NREP: variants seen among roughly 807,000 people sequenced by gnomAD.
NREP encodes neuronal regeneration-related protein.
NREP carries 5 observed loss-of-function variants against 8.6 expected under a neutral mutation model. That is an observed-to-expected ratio of 0.58 (90% confidence interval 0.30 to 1.22). NREP has a LOEUF of 1.22. Ranked by LOEUF, NREP falls within the 50% of genes most tolerant of loss-of-function variation. NREP has a pLI of 0.07. For missense variants in NREP, 86 were observed against 82.5 expected (o/e 1.04, Z -0.17); for synonymous variants, 27 against 28.0 (o/e 0.96, Z 0.11).
At chr5:111,745,578 T>C (rs753841802) in intron 2 of NREP, among the ~76,000 whole-genome samples, 1 of 152,126 alleles carries the variant, frequency 6.6e-6, no homozygotes, top group Non-Finnish European at 1.5e-5. Flanking sequence ...CAATGGACAA[T>C]CTAATTCAGT....
chr5:111,887,955 T>C (rs1321456195), intron 2 of NREP, among the ~76,000 whole-genome samples: 2 of 152,140 alleles, frequency 1.3e-5, no homozygotes, highest in East Asian at 3.9e-4. Context: ...ACAAAATCTT[T>C]GGAAATTGAA....
intron 2 of NREP, among the ~76,000 whole-genome samples, chr5:111,753,330 T>TTATATATATATA (rs10546970): frequency 5.7e-5 from 8 of 140,786 alleles, no homozygotes; most frequent in East Asian, 2.0e-4. Context: ...CAAGTTGATT[T>TTATATATATATA]TATATATATA....
intron 2 of NREP, among the ~76,000 whole-genome samples, chr5:111,963,519 G>A (rs1451994863): frequency 6.6e-6 from 1 of 152,174 alleles, no homozygotes; most frequent in Admixed American, 6.5e-5. Context: ...TCAATTAAAT[G>A]AGACTAAACT....
chr5:111,907,237 A>G (rs1386938978), intron 2 of NREP, among the ~76,000 whole-genome samples: 1 of 151,884 alleles, frequency 6.6e-6, no homozygotes, highest in African/African-American at 2.4e-5. Flanking sequence ...TATGTCTTTG[A>G]TATTGTATTT....
At chr5:111,975,425 A>T (rs1470515960) in intron 1 of NREP, 1 of 1,340,464 alleles carries the variant, frequency 7.5e-7, no homozygotes, top group Admixed American at 2.0e-5. Flanking sequence ...GACCCCCCTG[A>T]GTGCCACAAC....
intron 2 of NREP, among the ~76,000 whole-genome samples, chr5:111,746,368 T>G (rs1302264074): frequency 6.6e-6 from 1 of 152,008 alleles, no homozygotes. Flanking sequence ...AAAAAAAATA[T>G]GCAAGGCCAG....
intron 2 of NREP, among the ~76,000 whole-genome samples, chr5:111,841,652 C>A (rs146880214): frequency 0.011 from 1,702 of 152,116 alleles, 14 homozygotes; most frequent in Middle Eastern, 0.024. Context: ...GGGGTTCCCT[C>A]CTCCTTAGGG....
chr5:111,882,294 G>C (rs550338584), intron 2 of NREP, among the ~76,000 whole-genome samples: 3 of 152,154 alleles, frequency 2.0e-5, no homozygotes. Context: ...AGAATAAAAA[G>C]AAATGAACAA....
chr5:111,935,211 T>C (rs559903267), intron 2 of NREP, among the ~76,000 whole-genome samples: 1 of 152,102 alleles, frequency 6.6e-6, no homozygotes, highest in African/African-American at 2.4e-5. Flanking sequence ...GAGGTGACAA[T>C]GGAAAGCAGA....
chr5:111,731,517 T>TATC (rs1454836501), intron 3 of NREP, among the ~76,000 whole-genome samples: 1 of 151,942 alleles, frequency 6.6e-6, no homozygotes, highest in African/African-American at 2.4e-5. Flanking sequence ...TTTAAAAACG[T>TATC]ATCTCAACTT....
At chr5:111,951,252 C>T (rs2112634783) in intron 2 of NREP, among the ~76,000 whole-genome samples, 1 of 152,162 alleles carries the variant, frequency 6.6e-6, no homozygotes, top group Non-Finnish European at 1.5e-5. Context: ...ATATACATAA[C>T]ATCTCATTTA....
At chr5:111,907,132 C>T (rs1292566404) in intron 2 of NREP, among the ~76,000 whole-genome samples, 1 of 152,012 alleles carries the variant, frequency 6.6e-6, no homozygotes, top group African/African-American at 2.4e-5. Context: ...TTCTCCTAGC[C>T]TGTGGCTTGT....
At chr5:111,915,644 C>T (rs1287717761) in intron 2 of NREP, among the ~76,000 whole-genome samples, 1 of 152,036 alleles carries the variant, frequency 6.6e-6, no homozygotes, top group East Asian at 1.9e-4. Context: ...ACATTTTTGG[C>T]CCGTAGTAAT....
chr5:111,943,545 G>A (rs965904384), intron 2 of NREP, among the ~76,000 whole-genome samples: 5 of 152,000 alleles, frequency 3.3e-5, no homozygotes, highest in South Asian at 2.1e-4. Context: ...TCTCAACTTC[G>A]ATGTCCCACT....
chr5:111,885,808 T>C (rs573600910), intron 2 of NREP, among the ~76,000 whole-genome samples: 1 of 152,306 alleles, frequency 6.6e-6, no homozygotes, highest in African/African-American at 2.4e-5. Context: ...TTCCACCTTA[T>C]ACAAAAATTA....
Position 111,742,623 on chromosome 5 carries a change from C to T in NREP, c.4-7116G>A, listed in dbSNP as rs115629329. On this transcript the variant is annotated intron_variant, in intron 2 of 3. Transcript: ENST00000257435. ...CAGCCACAAAAGGTTAACAGAATTA[C>T]CCGACTTTTCTTTTTCACCACGACT... Among the ~76,000 whole-genome samples the T allele has an allele frequency of 4.5e-3, 688 of 152,168 alleles. 3 individuals are homozygous for T. The highest frequency in any genetic ancestry group is 7.9e-3 in the Non-Finnish European group (535 of 68,006).
intron 2 of NREP, among the ~76,000 whole-genome samples, chr5:111,898,849 T>C (rs1359403686): frequency 6.6e-6 from 1 of 152,068 alleles, no homozygotes; most frequent in Admixed American, 6.6e-5. Flanking sequence ...AAGAGCAAAT[T>C]GTTAACTCAC....
At chr5:111,817,790 G>A (rs1222589785) in intron 2 of NREP, among the ~76,000 whole-genome samples, 2 of 115,430 alleles carry the variant, frequency 1.7e-5, no homozygotes, top group Non-Finnish European at 1.6e-5. Flanking sequence ...GGGCAACAGA[G>A]CAAGACTTCA....
chr5:111,732,245 C>T (rs1386935246), intron 3 of NREP: 4 of 152,094 alleles, frequency 2.6e-5, no homozygotes, highest in Non-Finnish European at 5.9e-5. Context: ...AAACCAGTAA[C>T]TTCCAAACAA....
Sources: gnomAD v4.1 joint callset for allele counts (sites outside exome capture counted in the v4.1 genomes callset) on GRCh38, gnomAD v4.1.1 for gene constraint, MANE v1.5 for transcripts, NCBI Gene and HGNC (gene_info 2026-07-23, HGNC 2026-07-21) for gene names.